Variants in ITGA8 observed in about 807,000 individuals in gnomAD.
ITGA8 encodes integrin subunit alpha 8.
Under a neutral mutation model 142.3 loss-of-function variants are expected in ITGA8, and 91 were observed. That is an observed-to-expected ratio of 0.64 (90% CI 0.54 to 0.76). The LOEUF (loss-of-function observed/expected upper bound fraction) is 0.76. ITGA8 is among the 30% of genes least tolerant of loss of function. The probability of loss-of-function intolerance (pLI) is 0.00; values close to 1 mark genes in which losing one functional copy is unlikely to be tolerated. For missense variants in ITGA8, 1,406 were observed against 1,327.7 expected (o/e 1.06, Z -0.92); for synonymous variants, 505 against 485.2 (o/e 1.04, Z -0.54).
chr10:15,686,460 C>T (rs969713286), intron 3 of ITGA8, among the ~76,000 whole-genome samples: 2 of 152,210 alleles, frequency 1.3e-5, no homozygotes, highest in Non-Finnish European at 2.9e-5. Context: ...CATCAAAAGG[C>T]ATTTCATGCC....
At chr10:15,684,178 A>G (rs1478479527) in intron 3 of ITGA8, 51 bp from the exon 4 acceptor site, 1 of 1,570,594 alleles carries the variant, frequency 6.4e-7, no homozygotes, top group South Asian at 1.2e-5. Flanking sequence ...GGTTTCTCAT[A>G]CTACAGTTTT....
intron 21 of ITGA8, 44 bp from the exon 22 acceptor site, chr10:15,592,348 C>A: frequency 7.2e-7 from 1 of 1,395,968 alleles, no homozygotes; most frequent in Non-Finnish European, 1.0e-6. Context: ...TTGTACACAA[C>A]ATAAAAATAT....
chr10:15,653,831 C>CTTTTTTTTTTT (rs111283505), intron 11 of ITGA8, among the ~76,000 whole-genome samples: 4 of 129,968 alleles, frequency 3.1e-5, no homozygotes, highest in Non-Finnish European at 5.1e-5. Context: ...TTTCTTTTTT[C>CTTTTTTTTTTT]TTTTTTTTTT....
intron 13 of ITGA8, among the ~76,000 whole-genome samples, chr10:15,623,063 G>A (rs772273253): frequency 1.3e-5 from 2 of 152,134 alleles, no homozygotes; most frequent in African/African-American, 4.8e-5. Flanking sequence ...TATGTGTACC[G>A]CTGACCTAGT....
At chr10:15,580,083 T>A (rs549206336) in intron 23 of ITGA8, among the ~76,000 whole-genome samples, 15 of 145,862 alleles carry the variant, frequency 1.0e-4, no homozygotes, top group African/African-American at 3.8e-4. Context: ...AAGCAGATTC[T>A]TTGAAAAGAT....
intron 2 of ITGA8, among the ~76,000 whole-genome samples, chr10:15,716,910 C>G (rs953096524): frequency 5.9e-5 from 9 of 152,130 alleles, no homozygotes; most frequent in African/African-American, 2.2e-4. Flanking sequence ...GATCCACCTG[C>G]CTCGGCCTCC....
At position 15,719,792 on chromosome 10, in the gene ITGA8, G is replaced by T; in HGVS notation, c.-21C>A. The stretch of plus-strand genomic sequence containing the variant: ...GACATCTCCCTCCGCCCCGGTGGGT[G>T]GCTGCTACCCAGGAGCGCGAGCCGA... On this transcript the variant is annotated 5_prime_UTR_variant, in exon 1 of 30. Coordinates refer to ENST00000378076, the MANE Select transcript of ITGA8 (RefSeq NM_003638.3). 7.4e-7 allele frequency: 1 copy of T among 1,343,610 alleles called. No individual in the cohort carries two copies. The highest frequency in any genetic ancestry group is 9.5e-7 in the Non-Finnish European group (1 of 1,055,332). 83.2% of individuals were successfully genotyped at this position (1,343,610 alleles called of 1,614,324 possible). A position where few individuals can be genotyped will look rare whatever the true frequency, so the allele number is the denominator to read the frequency against.
At chr10:15,567,252 A>C (rs1030874261) in intron 25 of ITGA8, among the ~76,000 whole-genome samples, 1 of 152,176 alleles carries the variant, frequency 6.6e-6, no homozygotes, top group African/African-American at 2.4e-5. Context: ...ACCTCATCTT[A>C]TCTAAAGATA....
intron 8 of ITGA8, among the ~76,000 whole-genome samples, chr10:15,666,892 T>C (rs562310643): frequency 9.2e-5 from 14 of 152,322 alleles, no homozygotes; most frequent in Admixed American, 2.6e-4. Flanking sequence ...TGGATAAGCT[T>C]TTTCATGTGC....
intron 25 of ITGA8, among the ~76,000 whole-genome samples, chr10:15,569,065 C>T (rs920350972): frequency 8.6e-5 from 13 of 151,870 alleles, no homozygotes; most frequent in South Asian, 6.2e-4. Flanking sequence ...GGAGAGGTAA[C>T]GAAGAAGAGA....
Position 15,719,743 on chromosome 10 carries a change from C to T in ITGA8, c.29G>A (p.Arg10Gln), listed in dbSNP as rs1588752304. 3 of 1,362,058 alleles carry T rather than the reference C, an allele frequency of 2.2e-6. No homozygotes were observed. The highest frequency in any genetic ancestry group is 2.8e-6 in the Non-Finnish European group (3 of 1,065,430). 84.4% of individuals were successfully genotyped at this position (1,362,058 alleles called of 1,614,324 possible). MSPGASRGPRGSQAPLIAPL... is the reference protein window; with the variant it reads MSPGASRGPQGSQAPLIAPL... ...CGCGATCAGCGGCGCCTGGCTTCCC[C>T]GGGGACCGCGGCTGGCCCCGGGCGA... Residue 10 changes from arginine (R) to glutamine (Q), a missense_variant, in exon 1 of 30, where the codon CGG becomes CAG. Coordinates refer to ENST00000378076, the MANE Select transcript of ITGA8 (RefSeq NM_003638.3).
intron 2 of ITGA8, among the ~76,000 whole-genome samples, chr10:15,706,589 A>ACT (rs1257669704): frequency 6.6e-6 from 1 of 151,904 alleles, no homozygotes; most frequent in Non-Finnish European, 1.5e-5. Flanking sequence ...ACAGGTGCAC[A>ACT]CTACTGCACC....
At chr10:15,718,700 G>A in intron 2 of ITGA8, 66 bp downstream of exon 2, 2 of 1,584,460 alleles carry the variant, frequency 1.3e-6, no homozygotes, top group Non-Finnish European at 1.7e-6. Flanking sequence ...GCGGGAAGTC[G>A]CCTCTGGGAT....
At chr10:15,704,430 T>C (rs1835220700) in intron 2 of ITGA8, among the ~76,000 whole-genome samples, 1 of 152,210 alleles carries the variant, frequency 6.6e-6, no homozygotes, top group South Asian at 2.1e-4. Flanking sequence ...AATCTCAACT[T>C]TTCTCAAATG....
intron 27 of ITGA8, among the ~76,000 whole-genome samples, chr10:15,537,304 C>G: frequency 6.6e-6 from 1 of 152,144 alleles, no homozygotes; most frequent in East Asian, 1.9e-4. Flanking sequence ...TAACGCATTC[C>G]TCTTTAGGAT....
intron 25 of ITGA8, among the ~76,000 whole-genome samples, chr10:15,565,612 C>G (rs1324848285): frequency 4.0e-5 from 2 of 49,994 alleles, no homozygotes; most frequent in Non-Finnish European, 7.5e-5. Flanking sequence ...TTTTTTGAGA[C>G]AGAGTCTTGC....
At chr10:15,566,407 T>A (rs1834080914) in intron 25 of ITGA8, among the ~76,000 whole-genome samples, 1 of 152,184 alleles carries the variant, frequency 6.6e-6, no homozygotes, top group Admixed American at 6.5e-5. Context: ...TTAACATAGG[T>A]TATATGTGGG....
intron 8 of ITGA8, among the ~76,000 whole-genome samples, chr10:15,670,070 C>G (rs978332914): frequency 1.3e-5 from 2 of 152,338 alleles, no homozygotes; most frequent in African/African-American, 4.8e-5. Context: ...CACCCATCTT[C>G]TGCGTCGCTC....
intron 17 of ITGA8, 104 bp downstream of exon 17, chr10:15,607,573 C>G: frequency 9.4e-7 from 1 of 1,069,302 alleles, no homozygotes; most frequent in African/African-American, 1.6e-5. Context: ...TGAAAACAGA[C>G]AGATGGGGGT....
Sources: allele counts gnomAD v4.1 joint callset (sites outside exome capture counted in the v4.1 genomes callset), GRCh38; gene constraint gnomAD v4.1.1; transcripts MANE v1.5; gene names NCBI Gene and HGNC (gene_info 2026-07-23, HGNC 2026-07-21).